SMPDL3A: variants seen among roughly 807,000 people sequenced by gnomAD.
SMPDL3A encodes cyclic GMP-AMP phosphodiesterase SMPDL3A.
SMPDL3A carries 39 observed loss-of-function variants against 38.5 expected under a neutral mutation model. The observed-to-expected ratio is 1.01, with a 90% CI of 0.78 to 1.32. The LOEUF (loss-of-function observed/expected upper bound fraction) is 1.32, where lower values mean the gene tolerates loss of function less well. Ranked by LOEUF, SMPDL3A falls within the 40% of genes most tolerant of loss-of-function variation. The pLI, the probability that SMPDL3A is intolerant of heterozygous loss-of-function variation, is 0.00. For synonymous variants in SMPDL3A, 180 were observed against 194.3 expected, an observed-to-expected ratio of 0.93 and a Z score of 0.61; for missense variants, 502 against 536.2, an observed-to-expected ratio of 0.94 and a Z score of 0.63.
Position 122,801,703 on chromosome 6 carries a change from T to G in SMPDL3A, c.568+297T>G, listed in dbSNP as rs1183764357. Among the ~76,000 whole-genome samples, 9 of 152,254 alleles carry G rather than the reference T, an allele frequency of 5.9e-5. No individual in the cohort carries two copies. The South Asian group carries it at 1.9e-3, about 32-fold the overall frequency. Reference sequence around the variant, plus strand: ...TTGAATGTAAATAAAAGTGTATGTTTCTAATTGGAAAATTGATTGAGAAGA... The same window carrying G: ...TTGAATGTAAATAAAAGTGTATGTTGCTAATTGGAAAATTGATTGAGAAGA... On this transcript the variant is annotated intron_variant, in intron 4 of 7. Transcript: ENST00000368440.
chr6:122,804,938 G>T lies in SMPDL3A; in HGVS notation c.768G>T (p.Gly256=). 6.2e-7 allele frequency: 1 copy of T among 1,611,864 alleles called. No individual in the cohort carries two copies. Among genetic ancestry groups the T allele is most frequent in the Non-Finnish European group, 8.5e-7 (1 of 1,179,332 alleles). The change falls in exon 6 of 8, where the codon GGG becomes GGT. Residue 256 remains glycine, a synonymous_variant. Transcript: ENST00000368440. ...KVYIIAHVPV[G]YLPSSQNITA... is the part of the protein sequence containing the mutation. ...ATATCATAGCACATGTTCCAGTGGG[G>T]TATCTGCCATCTTCACAGAACATCA... is the stretch of plus-strand genomic sequence containing the variant.
intron 3 of SMPDL3A, among the ~76,000 whole-genome samples, chr6:122,800,327 A>G (rs13216278): frequency 0.14 from 21,368 of 152,266 alleles, 1,580 homozygotes; most frequent in South Asian, 0.22. Flanking sequence ...GACTTCTCCA[A>G]ATCAAAAGCA....
At chr6:122,800,433 G>A (rs1468232545) in intron 3 of SMPDL3A, among the ~76,000 whole-genome samples, 1 of 152,134 alleles carries the variant, frequency 6.6e-6, no homozygotes, top group Non-Finnish European at 1.5e-5. Context: ...ATGTTTTCCC[G>A]TTCCCTCGGC....
chr6:122,789,977 C>A, intron 1 of SMPDL3A: 1 of 667,062 alleles, frequency 1.5e-6, no homozygotes, highest in Non-Finnish European at 1.9e-6. Flanking sequence ...TTTTCTGCCA[C>A]TCACCCAGCC....
Position 122,806,260 on chromosome 6 carries a change from C to G in SMPDL3A, c.947C>G (p.Ala316Gly). Residue 316 changes from alanine to glycine, a missense_variant, in exon 7 of 8, where the codon GCT (alanine) becomes GGT (glycine). Coordinates refer to ENST00000368440, the MANE Select transcript of SMPDL3A (RefSeq NM_006714.5). ...KGSPVNSLFV[A>G]PAVTPVKSVL... ...AGTCCAGTAAATTCTTTGTTTGTGG[C>G]TCCTGCTGTTACACCAGTGAAGAGT... The G allele has an allele frequency of 6.2e-7, 1 of 1,612,834 alleles. No homozygotes were observed. Among genetic ancestry groups the G allele is most frequent in the South Asian group, 1.1e-5 (1 of 90,894 alleles).
intron 1 of SMPDL3A, among the ~76,000 whole-genome samples, chr6:122,794,687 T>A (rs73768834): frequency 0.026 from 3,973 of 152,306 alleles, 181 homozygotes; most frequent in African/African-American, 0.091. Flanking sequence ...AAAAACCCAA[T>A]GGAAGCATCC....
Position 122,805,002 on chromosome 6 carries a change from A to T in SMPDL3A, c.832A>T (p.Ile278Phe). Residue 278 changes from isoleucine to phenylalanine, a missense_variant, in exon 6 of 8, where the codon ATT (isoleucine) becomes TTT (phenylalanine). Physicochemically the swap from Ile to Phe is conservative, Grantham distance 21. Transcript: ENST00000368440. Reference sequence around the variant, plus strand: ...ATACTATAATGAGAAATTGATAGATATTTTTCAAAAATACAGTGATGTCAT... The same window carrying T: ...ATACTATAATGAGAAATTGATAGATTTTTTTCAAAAATACAGTGATGTCAT... ...REYYNEKLID[I>F]FQKYSDVIAG... The T allele has an allele frequency of 6.2e-7, 1 of 1,613,560 alleles. No homozygotes were observed. Among genetic ancestry groups the T allele is most frequent in the Non-Finnish European group, 8.5e-7 (1 of 1,179,838 alleles).
chr6:122,805,802 C>G (rs1341413915), intron 6 of SMPDL3A, among the ~76,000 whole-genome samples: 1 of 152,054 alleles, frequency 6.6e-6, no homozygotes, highest in Non-Finnish European at 1.5e-5. Context: ...ACCATGTTGG[C>G]CAGGAAGGTC....
At chr6:122,801,181 G>C (rs1562352163) in intron 3 of SMPDL3A, 129 bp from the exon 4 acceptor site, 1 of 665,370 alleles carries the variant, frequency 1.5e-6, no homozygotes, top group Non-Finnish European at 2.7e-6. Context: ...CCTTGAAGAT[G>C]AAGTCTATCT....
rs1390906588 is a variant in SMPDL3A, at chr6:122,809,552, T to C, written c.*144T>C. ...TCTTTTTTTTTTTCTTTTTGATGCC[T>C]TAATGTAGATATCTTTATCATTCTG... On this transcript the variant is annotated 3_prime_UTR_variant, in exon 8 of 8. Transcript: ENST00000368440. 8.3e-6 allele frequency: 5 copies of C among 604,064 alleles called. No homozygotes were observed. The highest frequency in any genetic ancestry group is 1.5e-5 in the Non-Finnish European group (5 of 342,288). 37.4% of individuals were successfully genotyped at this position (604,064 alleles called of 1,614,324 possible).
chr6:122,795,509 T>A (rs1049500919), intron 1 of SMPDL3A, among the ~76,000 whole-genome samples, 168 bp from the exon 2 acceptor site: 1 of 152,188 alleles, frequency 6.6e-6, no homozygotes, highest in Non-Finnish European at 1.5e-5. Context: ...GCTCATCTTC[T>A]CACAGAGAAG....
At chr6:122,797,228 T>G (rs1781277744) in intron 3 of SMPDL3A, 1 of 339,680 alleles carries the variant, frequency 2.9e-6, no homozygotes, top group Non-Finnish European at 5.2e-6. Flanking sequence ...TTAATTTATG[T>G]TTTCCTTCAT....
chr6:122,803,847 A>C lies in SMPDL3A; in HGVS notation c.738+14A>C, dbSNP rs186028338. The C allele has an allele frequency of 2.3e-3, 3,688 of 1,608,666 alleles. 7 individuals carry two copies. The highest frequency in any genetic ancestry group is 2.7e-3 in the Non-Finnish European group (3,193 of 1,177,722). On this transcript the variant is annotated intron_variant, in intron 5 of 7. Transcript: ENST00000368440. ...AATAAGGAGAAGGTAGATCCCATAG[A>C]CCAAAACCATCTGGGAATAAACGGA...
intron 3 of SMPDL3A, among the ~76,000 whole-genome samples, chr6:122,798,443 T>C (rs920262101): frequency 1.3e-5 from 2 of 152,158 alleles, no homozygotes; most frequent in Admixed American, 6.5e-5. Flanking sequence ...CCAGCCCTGC[T>C]TTCCACTCCC....
chr6:122,805,171 G>A, intron 6 of SMPDL3A, 82 bp downstream of exon 6: 2 of 1,203,720 alleles, frequency 1.7e-6, no homozygotes, highest in Non-Finnish European at 2.3e-6. Context: ...TGCTGATTTA[G>A]TAAATTAAAC....
At chr6:122,789,533 A>C in intron 1 of SMPDL3A, 75 bp downstream of exon 1, 2 of 1,297,722 alleles carry the variant, frequency 1.5e-6, no homozygotes, top group Admixed American at 2.0e-5. Context: ...CAGCAGGAGA[A>C]AGTGCGTGGG....
chr6:122,797,148 C>A, intron 3 of SMPDL3A, 180 bp downstream of exon 3: 1 of 456,080 alleles, frequency 2.2e-6, no homozygotes, highest in South Asian at 5.7e-5. Flanking sequence ...TAAAAGTAAT[C>A]TTTTAATACT....
chr6:122,794,966 A>C (rs1448680191), intron 1 of SMPDL3A, among the ~76,000 whole-genome samples: 1 of 152,216 alleles, frequency 6.6e-6, no homozygotes, highest in Non-Finnish European at 1.5e-5. Context: ...ATTTTTCTAC[A>C]AGAAGAATGT....
chr6:122,808,605 C>CCTTCCTT lies in SMPDL3A; in HGVS notation c.1045-485_1045-484insTTCCTTC, dbSNP rs1562357673. 5.3e-3 allele frequency among the ~76,000 whole-genome samples: 341 copies of CCTTCCTT among 64,748 alleles called. 2 individuals carry two copies. The highest frequency in any genetic ancestry group is 0.023 in the East Asian group (45 of 1,922). The allele number at this position is 64,748 out of a possible 152,430, so 42.5% of individuals were successfully genotyped here. The stretch of plus-strand genomic sequence containing the variant: ...ATTGAGCCTCCCTTCCTCCCTCCCT[C>CCTTCCTT]CCTCCCTTCCTTCCTTCCTTCCTTC... On this transcript the variant is annotated intron_variant, in intron 7 of 7. Transcript: ENST00000368440.
Sources: allele counts gnomAD v4.1 joint callset (sites outside exome capture counted in the v4.1 genomes callset), GRCh38; gene constraint gnomAD v4.1.1; transcripts MANE v1.5; gene names NCBI Gene and HGNC (gene_info 2026-07-23, HGNC 2026-07-21).